Variants in BANK1 observed in about 807,000 individuals in gnomAD.
The protein encoded by BANK1 is B-cell scaffold protein with ankyrin repeats.
In BANK1, 95 loss-of-function variants were observed where a neutral mutation model predicts 94.5. The ratio of observed to expected loss-of-function variants is 1.00; its 90% confidence interval spans 0.85 to 1.19. The LOEUF is 1.19. Among genes scored for constraint, BANK1 ranks in the 50% most tolerant of loss-of-function variants. The probability of loss-of-function intolerance (pLI) is 0.00; values close to 1 mark genes in which losing one functional copy is unlikely to be tolerated. For missense variants in BANK1, 987 were observed against 932.2 expected (o/e 1.06, Z -0.77); for synonymous variants, 334 against 308.4 (o/e 1.08, Z -0.87).
chr4:101,804,696 T>G (rs755020323), intron 1 of BANK1, among the ~76,000 whole-genome samples: 1 of 152,208 alleles, frequency 6.6e-6, no homozygotes, highest in Non-Finnish European at 1.5e-5. Flanking sequence ...GTGTTTTATC[T>G]TCCTTATGAT....
intron 6 of BANK1, among the ~76,000 whole-genome samples, chr4:101,903,832 C>T (rs968212102): frequency 3.3e-5 from 5 of 152,140 alleles, no homozygotes; most frequent in African/African-American, 1.2e-4. Flanking sequence ...TTACTAAGGT[C>T]CCCAAGTAGG....
Position 101,948,286 on chromosome 4 carries a change from T to C in BANK1, c.1206+30097T>C, listed in dbSNP as rs190096752. Reference sequence around the variant, plus strand: ...AAGGCTACCTGAATTTGTACAGTGATGCTATTGGTGTCATGCTCAGATGTT... The same window carrying C: ...AAGGCTACCTGAATTTGTACAGTGACGCTATTGGTGTCATGCTCAGATGTT... On this transcript the variant is annotated intron_variant, in intron 7 of 16. Coordinates refer to ENST00000322953, the MANE Select transcript of BANK1 (RefSeq NM_017935.5). Among the ~76,000 whole-genome samples the C allele has an allele frequency of 2.8e-3, 428 of 152,212 alleles. 1 individual carries two copies. Among genetic ancestry groups the C allele is most frequent in the African/African-American group, 9.6e-3 (400 of 41,558 alleles).
intron 4 of BANK1, among the ~76,000 whole-genome samples, chr4:101,867,857 G>C (rs1728135178): frequency 6.6e-6 from 1 of 151,802 alleles, no homozygotes; most frequent in Non-Finnish European, 1.5e-5. Context: ...AATTTTGACA[G>C]AGAGCAGAAA....
intron 11 of BANK1, among the ~76,000 whole-genome samples, chr4:102,058,247 A>G (rs898308996): frequency 6.6e-6 from 1 of 152,242 alleles, no homozygotes; most frequent in Admixed American, 6.5e-5. Context: ...ACTCACTACA[A>G]TGGGTTGGTT....
intron 7 of BANK1, among the ~76,000 whole-genome samples, chr4:101,974,045 G>A (rs540130394): frequency 7.2e-5 from 11 of 152,136 alleles, no homozygotes; most frequent in Admixed American, 2.0e-4. Flanking sequence ...AGTACCTGGC[G>A]TAGGGTGGGT....
intron 7 of BANK1, among the ~76,000 whole-genome samples, chr4:102,015,318 A>G (rs1726657947): frequency 6.6e-6 from 1 of 151,958 alleles, no homozygotes; most frequent in Admixed American, 6.6e-5. Context: ...TTATTCTGCA[A>G]TTTAATTCTT....
chr4:101,830,338 T>G (rs1726569220), intron 2 of BANK1, 132 bp downstream of exon 2: 1 of 717,264 alleles, frequency 1.4e-6, no homozygotes, highest in Non-Finnish European at 2.1e-6. Flanking sequence ...CTGATTTTAT[T>G]CAACAGTATG....
chr4:101,918,157 A>G lies in BANK1; in HGVS notation c.1174A>G (p.Lys392Glu), dbSNP rs1722889258. 6.3e-7 allele frequency: 1 copy of G among 1,588,308 alleles called. No homozygotes were observed. The highest frequency in any genetic ancestry group is 8.6e-7 in the Non-Finnish European group (1 of 1,166,618). ...PAHIAERHGHKELKKIFEDFS... is the reference protein window; with the variant it reads ...PAHIAERHGHEELKKIFEDFS... ...ACATATTGCTGAAAGGCATGGTCAC[A>G]AAGAACTCAAGAAAATCTTCGAAGA... Residue 392 changes from lysine to glutamate, a missense_variant, in exon 7 of 17, where the codon AAA becomes GAA. By Grantham distance (56) the Lys-to-Glu change is moderately conservative (BLOSUM62 1). Coordinates refer to ENST00000322953, the MANE Select transcript of BANK1 (RefSeq NM_017935.5).
Position 101,986,905 on chromosome 4 carries a change from A to G in BANK1, c.1207-34609A>G, listed in dbSNP as rs376695563. ...TGTGTGTGTGTGTGTGTGTGTATAT[A>G]TATATATATATATATATATATATAT... On this transcript the variant is annotated intron_variant, in intron 7 of 16. Coordinates refer to ENST00000322953, the MANE Select transcript of BANK1 (RefSeq NM_017935.5). 6.5e-3 allele frequency among the ~76,000 whole-genome samples: 704 copies of G among 108,250 alleles called. 52 individuals are homozygous for G. Among genetic ancestry groups the G allele is most frequent in the African/African-American group, 0.022 (580 of 26,080 alleles). 71.0% of individuals were successfully genotyped at this position (108,250 alleles called of 152,430 possible).
chr4:101,879,855 A>G (rs1356427833), intron 5 of BANK1, among the ~76,000 whole-genome samples: 5 of 152,150 alleles, frequency 3.3e-5, no homozygotes, highest in Admixed American at 1.3e-4. Context: ...GATCATTTCA[A>G]TTGATGCTGA....
chr4:101,885,718 G>A (rs1417675981), intron 5 of BANK1, among the ~76,000 whole-genome samples: 1 of 152,210 alleles, frequency 6.6e-6, no homozygotes, highest in Admixed American at 6.5e-5. Context: ...ACTATCTACA[G>A]TTGTGCATTG....
intron 1 of BANK1, among the ~76,000 whole-genome samples, chr4:101,820,363 T>C (rs1726095024): frequency 6.6e-6 from 1 of 152,228 alleles, no homozygotes; most frequent in African/African-American, 2.4e-5. Flanking sequence ...CTAACTCTAG[T>C]TACTGATTCA....
At position 102,030,105 on chromosome 4, in the gene BANK1, T is replaced by C. The variant is rs760730012; in HGVS notation, c.1740T>C (p.Phe580=). Residue 580 remains phenylalanine, a synonymous_variant, in exon 10 of 17, where the codon TTT becomes TTC. Transcript: ENST00000322953. Reference sequence around the variant, plus strand: ...AGGAGGAAGAAGACCCATATACTTTTGCTGAGATTGATGACAGTGAATATG... The same window carrying C: ...AGGAGGAAGAAGACCCATATACTTTCGCTGAGATTGATGACAGTGAATATG... The part of the protein sequence containing the change: ...EQEEEEDPYT[F]AEIDDSEYDM... The C allele has an allele frequency of 7.4e-6, 12 of 1,613,876 alleles. No homozygotes were observed. The highest frequency in any genetic ancestry group is 1.0e-5 in the Non-Finnish European group (12 of 1,179,968).
At chr4:101,887,581 A>T (rs1312885959) in intron 5 of BANK1, among the ~76,000 whole-genome samples, 1 of 152,164 alleles carries the variant, frequency 6.6e-6, no homozygotes, top group Non-Finnish European at 1.5e-5. Context: ...CTGTCAGTTA[A>T]TTATTATTGA....
chr4:101,956,956 C>A (rs1314645287), intron 7 of BANK1, among the ~76,000 whole-genome samples: 1 of 152,144 alleles, frequency 6.6e-6, no homozygotes, highest in Non-Finnish European at 1.5e-5. Flanking sequence ...ATATCTTGAT[C>A]TTGCCCAGGC....
chr4:102,065,850 C>A (rs899565575), intron 13 of BANK1, among the ~76,000 whole-genome samples: 4 of 151,608 alleles, frequency 2.6e-5, no homozygotes, highest in Non-Finnish European at 5.9e-5. Flanking sequence ...TAAGACAGAC[C>A]AATAGAAATT....
intron 7 of BANK1, chr4:101,981,809 G>A (rs1045953770): frequency 2.0e-5 from 3 of 151,990 alleles, no homozygotes; most frequent in Admixed American, 6.6e-5. Context: ...TCCATCTACT[G>A]TCAAAGGAGC....
At chr4:101,946,817 A>C (rs1376629631) in intron 7 of BANK1, among the ~76,000 whole-genome samples, 1 of 151,992 alleles carries the variant, frequency 6.6e-6, no homozygotes, top group Non-Finnish European at 1.5e-5. Context: ...ATTTAATACC[A>C]ATCCCCGCTG....
At chr4:102,070,944 A>C (rs1728735678) in intron 13 of BANK1, among the ~76,000 whole-genome samples, 1 of 152,226 alleles carries the variant, frequency 6.6e-6, no homozygotes, top group Non-Finnish European at 1.5e-5. Flanking sequence ...TTATTCCTGA[A>C]TAAAGTTGAT....
Sources: gnomAD v4.1 joint callset for allele counts (sites outside exome capture counted in the v4.1 genomes callset) on GRCh38, gnomAD v4.1.1 for gene constraint, MANE v1.5 for transcripts, NCBI Gene and HGNC (gene_info 2026-07-23, HGNC 2026-07-21) for gene names.